Variants in GABRA3 observed in about 807,000 individuals in gnomAD.
The protein encoded by GABRA3 is gamma-aminobutyric acid receptor subunit alpha-3.
Under a neutral mutation model 30.1 loss-of-function variants are expected in GABRA3, and 10 were observed. The ratio of observed to expected loss-of-function variants is 0.33; its 90% CI spans 0.20 to 0.56. GABRA3 has a LOEUF of 0.56. Among genes scored for constraint, GABRA3 ranks in the 20% least tolerant of loss-of-function variants. GABRA3 has a pLI of 0.89. For missense variants in GABRA3, 233 were observed against 392.0 expected, an observed-to-expected ratio of 0.59 and a Z score of 3.42; for synonymous variants, 151 against 146.8, an observed-to-expected ratio of 1.03 and a Z score of -0.21.
intron 5 of GABRA3, among the ~76,000 whole-genome samples, chrX:152,249,680 A>T (rs1292740442): frequency 1.8e-5 from 2 of 109,973 alleles, no homozygotes; most frequent in East Asian, 5.8e-4. Flanking sequence ...CCCTCTCCCC[A>T]CCTCGGACTG....
At chrX:152,181,303 T>C (rs764642687) in intron 9 of GABRA3, among the ~76,000 whole-genome samples, 1 of 112,106 alleles carries the variant, frequency 8.9e-6, no homozygotes, top group African/African-American at 3.2e-5. Context: ...TTATTGTGAA[T>C]GGGATTGCTT....
intron 1 of GABRA3, chrX:152,392,354 C>T (rs769058347): frequency 2.2e-5 from 8 of 366,194 alleles, no homozygotes; most frequent in South Asian, 7.5e-5. Flanking sequence ...ATACTGAGGA[C>T]GAAGAAGGAG....
chrX:152,283,351 T>C (rs1008586963), intron 4 of GABRA3, among the ~76,000 whole-genome samples: 6 of 111,489 alleles, frequency 5.4e-5, no homozygotes, highest in African/African-American at 2.0e-4. Context: ...CTCGAGGAGT[T>C]CAAAGGAAGT....
chrX:152,208,382 C>A (rs1013877549), intron 6 of GABRA3, among the ~76,000 whole-genome samples: 2 of 111,959 alleles, frequency 1.8e-5, no homozygotes, highest in East Asian at 5.6e-4. Flanking sequence ...CCAAAGTGTT[C>A]TCATACTTCA....
chrX:152,444,289 C>G (rs954562725), intron 1 of GABRA3, among the ~76,000 whole-genome samples: 19 of 111,252 alleles, frequency 1.7e-4, no homozygotes, highest in Non-Finnish European at 3.4e-4. Flanking sequence ...GTATAAGTTT[C>G]TCAAAATATA....
intron 5 of GABRA3, among the ~76,000 whole-genome samples, chrX:152,233,533 A>G (rs1938132358): frequency 9.1e-6 from 1 of 109,779 alleles, no homozygotes; most frequent in East Asian, 3.0e-4. Context: ...CGATCATTAA[A>G]AAGTCAGGAA....
At chrX:152,419,351 A>C (rs770266207) in intron 1 of GABRA3, among the ~76,000 whole-genome samples, 1 of 111,563 alleles carries the variant, frequency 9.0e-6, no homozygotes, top group East Asian at 2.8e-4. Flanking sequence ...GAAAATTAAA[A>C]GCCACCAGCA....
At chrX:152,335,562 A>G (rs1224016525) in intron 3 of GABRA3, among the ~76,000 whole-genome samples, 1 of 112,007 alleles carries the variant, frequency 8.9e-6, no homozygotes, top group Non-Finnish European at 1.9e-5. Flanking sequence ...GTCAGAACAA[A>G]TACCAAACAA....
intron 6 of GABRA3, among the ~76,000 whole-genome samples, chrX:152,218,620 T>A (rs1348123120): frequency 9.0e-6 from 1 of 111,317 alleles, no homozygotes; most frequent in African/African-American, 3.3e-5. Context: ...TCAGTGTTGC[T>A]TCATGTATTT....
intron 3 of GABRA3, among the ~76,000 whole-genome samples, chrX:152,308,993 G>T (rs778818002): frequency 8.9e-6 from 1 of 112,318 alleles, no homozygotes; most frequent in African/African-American, 3.2e-5. Context: ...TTGTAATACA[G>T]AAGAAATTAT....
At chrX:152,394,576 T>A in intron 1 of GABRA3, 1 of 355,366 alleles carries the variant, frequency 2.8e-6, no homozygotes, top group Non-Finnish European at 5.8e-6. Flanking sequence ...ATCACAATAG[T>A]GAAAGACATG....
At chrX:152,273,127 A>C (rs1299983288) in intron 4 of GABRA3, among the ~76,000 whole-genome samples, 1 of 112,017 alleles carries the variant, frequency 8.9e-6, no homozygotes, top group African/African-American at 3.2e-5. Flanking sequence ...AAATGGGCAA[A>C]AGATCTGAAT....
chrX:152,293,036 G>C (rs1413780773), intron 3 of GABRA3, among the ~76,000 whole-genome samples: 1 of 111,367 alleles, frequency 9.0e-6, no homozygotes, highest in Non-Finnish European at 1.9e-5. Context: ...TGTTGATTTG[G>C]GGTGGAGAGT....
At chrX:152,381,233 G>T (rs757971400) in intron 1 of GABRA3, among the ~76,000 whole-genome samples, 2 of 111,825 alleles carry the variant, frequency 1.8e-5, no homozygotes, top group African/African-American at 3.3e-5. Context: ...CCAGCCTCAG[G>T]TATTCCTTTA....
At chrX:152,180,804 T>C (rs1262261779) in intron 9 of GABRA3, among the ~76,000 whole-genome samples, 2 of 112,298 alleles carry the variant, frequency 1.8e-5, no homozygotes, top group East Asian at 5.6e-4. Context: ...CTGTCCTTTC[T>C]TCATTGTGTG....
Position 152,168,366 on chromosome X carries a change from C to G in GABRA3, c.1341G>C (p.Lys447Asn). ...TYVQDSPTET[K>N]TYNSVSKVDK... is the part of the protein sequence containing the mutation. ...CAACCTTGCTGACACTGTTGTAGGT[C>G]TTGGTCTCAGTCGGGCTGTCCTGCA... Residue 447 changes from lysine (K) to asparagine (N), a missense_variant, in exon 10 of 10, where the codon AAG (lysine) becomes AAC (asparagine). Lys to Asn is a moderately conservative substitution (Grantham distance 94). Around this residue, in one of 6 missense-constraint regions of GABRA3, gnomAD observed 66 missense variants for 57.1 expected, o/e 1.16. Coordinates refer to ENST00000370314, the MANE Select transcript of GABRA3 (RefSeq NM_000808.4). The G allele has an allele frequency of 8.3e-7, 1 of 1,211,854 alleles. No homozygotes were observed. The highest frequency in any genetic ancestry group is 1.1e-6 in the Non-Finnish European group (1 of 895,531).
chrX:152,233,821 A>G (rs1217989083), intron 5 of GABRA3, among the ~76,000 whole-genome samples: 3 of 105,910 alleles, frequency 2.8e-5, no homozygotes, highest in African/African-American at 6.9e-5. Flanking sequence ...GATAGACTGG[A>G]TTAAGAAAAT....
chrX:152,255,845 G>A lies in GABRA3; in HGVS notation c.484C>T (p.His162Tyr), dbSNP rs1411779067. ...FFHNGKKSVA[H>Y]NMTTPNKLLR... The stretch of plus-strand genomic sequence containing the variant: ...AGCTTGTTGGGCGTGGTCATGTTAT[G>A]AGCCACTGATTTCTTGCCATTGTGG... The change falls in exon 5 of 10, where the codon CAT becomes TAT. Residue 162 changes from histidine (H) to tyrosine (Y), a missense_variant. Transcript: ENST00000370314. 8.3e-7 allele frequency: 1 copy of A among 1,211,361 alleles called. No homozygotes were observed. Among genetic ancestry groups the A allele is most frequent in the Non-Finnish European group, 1.1e-6 (1 of 895,281 alleles).
chrX:152,431,499 A>G (rs1266306191), intron 1 of GABRA3, among the ~76,000 whole-genome samples: 1 of 112,067 alleles, frequency 8.9e-6, no homozygotes, highest in Non-Finnish European at 1.9e-5. Flanking sequence ...AATGAAAAGT[A>G]ATGCTCTTAT....
Sources: allele counts gnomAD v4.1 joint callset (sites outside exome capture counted in the v4.1 genomes callset), GRCh38; gene constraint gnomAD v4.1.1; regional missense constraint gnomAD v4.1.1; transcripts MANE v1.5; gene names NCBI Gene and HGNC (gene_info 2026-07-23, HGNC 2026-07-21).